PPP2R3A: variants seen among roughly 807,000 people sequenced by gnomAD.
The protein encoded by PPP2R3A is serine/threonine-protein phosphatase 2A regulatory subunit B'' subunit alpha.
Under a neutral mutation model 106.9 loss-of-function variants are expected in PPP2R3A, and 80 were observed. That is an observed-to-expected ratio of 0.75 (90% CI 0.62 to 0.90). The LOEUF is 0.90. Among genes scored for constraint, PPP2R3A ranks in the 40% least tolerant of loss-of-function variants. The probability of loss-of-function intolerance (pLI) is 0.00; values close to 1 mark genes in which losing one functional copy is unlikely to be tolerated. For missense variants in PPP2R3A, 1,386 were observed against 1,350.4 expected, an observed-to-expected ratio of 1.03 and a Z score of -0.41; for synonymous variants, 483 against 468.3, an observed-to-expected ratio of 1.03 and a Z score of -0.41.
intron 12 of PPP2R3A, among the ~76,000 whole-genome samples, chr3:136,105,480 A>G (rs933001901): frequency 3.9e-5 from 6 of 152,106 alleles, no homozygotes; most frequent in African/African-American, 1.4e-4. Flanking sequence ...TTTTAAAATT[A>G]GCAGGGCATG....
At chr3:135,977,364 A>T (rs894938247) in intron 1 of PPP2R3A, among the ~76,000 whole-genome samples, 2 of 152,232 alleles carry the variant, frequency 1.3e-5, no homozygotes, top group Non-Finnish European at 2.9e-5. Context: ...TAAAATATTT[A>T]AATATTTTTC....
chr3:136,092,705 G>A (rs1164489376), intron 10 of PPP2R3A, among the ~76,000 whole-genome samples: 1 of 152,134 alleles, frequency 6.6e-6, no homozygotes, highest in Non-Finnish European at 1.5e-5. Context: ...TGAGAGTTCA[G>A]AAATATATCC....
At chr3:136,091,250 T>A (rs972304106) in intron 10 of PPP2R3A, among the ~76,000 whole-genome samples, 1 of 152,142 alleles carries the variant, frequency 6.6e-6, no homozygotes, top group Non-Finnish European at 1.5e-5. Context: ...GATGGAGGGG[T>A]TATAGACCTT....
In PPP2R3A at chr3:136,027,634, C is replaced by T. The variant is rs145086342; in HGVS notation, c.2262+536C>T. ...CTACTCTGACTTGATTCTGTGCCTC[C>T]AGCCTCCTCCCAGAACAGTTAATAC... On this transcript the variant is annotated intron_variant, in intron 3 of 13. Transcript: ENST00000264977. 7.0e-4 allele frequency among the ~76,000 whole-genome samples: 106 copies of T among 152,292 alleles called. No homozygotes were observed. In the East Asian group the frequency reaches 0.02, roughly 29 times the overall value.
At chr3:136,052,592 G>A (rs112829696) in intron 5 of PPP2R3A, among the ~76,000 whole-genome samples, 2 of 152,188 alleles carry the variant, frequency 1.3e-5, no homozygotes, top group African/African-American at 4.8e-5. Context: ...TTTTCCTGTG[G>A]GGACCCTATG....
intron 2 of PPP2R3A, among the ~76,000 whole-genome samples, chr3:136,019,934 C>A (rs1398928176): frequency 6.6e-6 from 1 of 152,098 alleles, no homozygotes; most frequent in Non-Finnish European, 1.5e-5. Flanking sequence ...TGAAACTTAG[C>A]AGATTTATAG....
chr3:136,132,842 T>C (rs112925090), intron 13 of PPP2R3A, among the ~76,000 whole-genome samples: 5 of 152,102 alleles, frequency 3.3e-5, no homozygotes, highest in African/African-American at 9.7e-5. Context: ...CTAGATTACC[T>C]GATTTCAAAA....
At chr3:136,047,856 G>T (rs1268765649) in intron 4 of PPP2R3A, among the ~76,000 whole-genome samples, 1 of 151,722 alleles carries the variant, frequency 6.6e-6, no homozygotes, top group African/African-American at 2.4e-5. Flanking sequence ...AGTGAGCTGA[G>T]ATTGCGCCAC....
At chr3:136,017,146 C>T (rs1351772316) in intron 2 of PPP2R3A, among the ~76,000 whole-genome samples, 1 of 152,196 alleles carries the variant, frequency 6.6e-6, no homozygotes, top group Non-Finnish European at 1.5e-5. Context: ...GATATGACCC[C>T]AATCCCTTCT....
rs528176557 is a variant in PPP2R3A at position 136,120,426 on chromosome 3, A to G, written c.3329+14104A>G. On this transcript the variant is annotated intron_variant, in intron 13 of 13. Coordinates refer to ENST00000264977, the MANE Select transcript of PPP2R3A (RefSeq NM_002718.5). ...AACATGGTGAAACCTCATCTCTACTAAAAACACAAAAATTAGCCGGGCAGG... is the reference window on the plus strand; with the variant it reads ...AACATGGTGAAACCTCATCTCTACTGAAAACACAAAAATTAGCCGGGCAGG... Among the ~76,000 whole-genome samples the G allele has an allele frequency of 2.6e-5, 4 of 152,218 alleles. No homozygotes were observed. The East Asian group carries it at 7.7e-4, about 29-fold the overall frequency.
At chr3:136,053,746 T>C (rs1318516124) in intron 5 of PPP2R3A, among the ~76,000 whole-genome samples, 1 of 152,174 alleles carries the variant, frequency 6.6e-6, no homozygotes, top group Non-Finnish European at 1.5e-5. Flanking sequence ...ACCAGTTTAC[T>C]CTAAAATAAT....
chr3:136,097,248 CTTTCAATAAG>C (rs1265817378), intron 10 of PPP2R3A, among the ~76,000 whole-genome samples: 1 of 151,932 alleles, frequency 6.6e-6, no homozygotes, highest in African/African-American at 2.4e-5. Context: ...GTATCCAGTA[CTTTCAATAAG>C]AAAATACCCT....
chr3:136,032,108 G>A (rs1344279741), intron 3 of PPP2R3A, among the ~76,000 whole-genome samples: 1 of 152,176 alleles, frequency 6.6e-6, no homozygotes, highest in African/African-American at 2.4e-5. Context: ...GCTTTTGGCA[G>A]AATGGTCATT....
chr3:135,969,607 G>A (rs943843309), intron 1 of PPP2R3A, among the ~76,000 whole-genome samples: 6 of 152,198 alleles, frequency 3.9e-5, no homozygotes, highest in African/African-American at 1.4e-4. Context: ...TAAACTGGAG[G>A]CACGAATTTT....
chr3:136,106,186 A>T (rs1444730095), intron 12 of PPP2R3A, 30 bp from the exon 13 acceptor site: 2 of 1,565,368 alleles, frequency 1.3e-6, no homozygotes, highest in South Asian at 1.1e-5. Flanking sequence ...GATTTTTTTT[A>T]TTTCTCGTGG....
At chr3:136,117,107 G>A (rs925931418) in intron 13 of PPP2R3A, among the ~76,000 whole-genome samples, 2 of 152,094 alleles carry the variant, frequency 1.3e-5, no homozygotes, top group African/African-American at 4.8e-5. Context: ...ACAACTACAT[G>A]GAAACTAAAC....
intron 1 of PPP2R3A, among the ~76,000 whole-genome samples, chr3:135,970,503 G>A (rs1016278335): frequency 6.6e-5 from 10 of 152,150 alleles, no homozygotes; most frequent in Non-Finnish European, 2.9e-5. Context: ...AAAGGTGAGA[G>A]AAGAATGTTT....
intron 8 of PPP2R3A, chr3:136,087,367 CTTATG>C (rs748621049): frequency 7.0e-6 from 1 of 143,228 alleles, no homozygotes. Flanking sequence ...TTCTAAAAAT[CTTATG>C]TTATATCATG....
At chr3:136,107,431 C>CTTTTTTTTTTTTTTTTTTTTTTTTTTTTT (rs11324496) in intron 13 of PPP2R3A, among the ~76,000 whole-genome samples, 3 of 71,424 alleles carry the variant, frequency 4.2e-5, no homozygotes, top group Non-Finnish European at 5.1e-5. Context: ...TACATGAATT[C>CTTTTTTTTTTTTTTTTTTTTTTTTTTTTT]TTTTTTTTTT....
Sources: gnomAD v4.1 joint callset for allele counts (sites outside exome capture counted in the v4.1 genomes callset) on GRCh38, gnomAD v4.1.1 for gene constraint, MANE v1.5 for transcripts, NCBI Gene and HGNC (gene_info 2026-07-23, HGNC 2026-07-21) for gene names.